The following ZNF148 variants were observed in gnomAD, a reference collection of about 807,000 sequenced individuals.
The protein encoded by ZNF148 is Beta-Enolase Repressor Factor-1.
ZNF148 carries 7 observed loss-of-function variants against 67.7 expected under a neutral mutation model. The ratio of observed to expected loss-of-function variants is 0.10; its 90% CI spans 0.06 to 0.19. ZNF148 has a LOEUF of 0.19. ZNF148 is among the 10% of genes least tolerant of loss of function. The pLI is 1.00. For synonymous variants in ZNF148, 333 were observed against 330.7 expected, an observed-to-expected ratio of 1.01 and a Z score of -0.08; for missense variants, 583 against 947.1, an observed-to-expected ratio of 0.62 and a Z score of 5.05.
At chr3:125,302,755 A>T (rs1007304213) in intron 4 of ZNF148, among the ~76,000 whole-genome samples, 3 of 152,226 alleles carry the variant, frequency 2.0e-5, no homozygotes, top group African/African-American at 7.2e-5. Flanking sequence ...AAAAGACTAC[A>T]TAAAAAGCAA....
chr3:125,351,211 A>G (rs1268943523), intron 1 of ZNF148, among the ~76,000 whole-genome samples: 3 of 152,030 alleles, frequency 2.0e-5, no homozygotes, highest in African/African-American at 7.2e-5. Context: ...AGTCTCTACA[A>G]AAATAATTTA....
intron 1 of ZNF148, among the ~76,000 whole-genome samples, chr3:125,337,474 CA>C (rs1235318276): frequency 6.6e-6 from 1 of 152,076 alleles, no homozygotes; most frequent in Admixed American, 6.5e-5. Flanking sequence ...AGTAAGCCAC[CA>C]AACTTAAGGA....
chr3:125,371,523 G>T (rs766575859), intron 1 of ZNF148, among the ~76,000 whole-genome samples: 1 of 151,592 alleles, frequency 6.6e-6, no homozygotes, highest in Non-Finnish European at 1.5e-5. Context: ...GCCAGGTGTG[G>T]TAGCGGGCAC....
intron 4 of ZNF148, among the ~76,000 whole-genome samples, chr3:125,296,284 G>A (rs1223810406): frequency 5.3e-5 from 8 of 152,048 alleles, no homozygotes; most frequent in Admixed American, 5.2e-4. Context: ...ACCACGCCCA[G>A]CTAATTATTT....
intron 3 of ZNF148, among the ~76,000 whole-genome samples, chr3:125,315,239 A>T (rs530004191): frequency 1.3e-5 from 2 of 152,298 alleles, no homozygotes; most frequent in South Asian, 2.1e-4. Context: ...TTAAGAATCA[A>T]CTGGTGAAAA....
chr3:125,327,492 G>A (rs940759575), intron 2 of ZNF148, among the ~76,000 whole-genome samples: 10 of 152,166 alleles, frequency 6.6e-5, no homozygotes, highest in Non-Finnish European at 1.3e-4. Context: ...CATAAAATAA[G>A]TCTCACTAAA....
chr3:125,232,456 A>T lies in ZNF148; in HGVS notation c.2270T>A (p.Leu757His). The T allele has an allele frequency of 6.2e-7, 1 of 1,613,672 alleles. No homozygotes were observed. Among genetic ancestry groups the T allele is most frequent in the Non-Finnish European group, 8.5e-7 (1 of 1,179,760 alleles). ...TTCAGCACTTGTCCCTGGTCCCCGAAGGTTCACCTGTCCATTGGCAGTGCT... is the reference window on the plus strand; with the variant it reads ...TTCAGCACTTGTCCCTGGTCCCCGATGGTTCACCTGTCCATTGGCAGTGCT... ...QFSTANGQVN[L>H]RGPGTSAEFS... Residue 757 changes from leucine (L) to histidine (H), a missense_variant, in exon 9 of 9, where the codon CTT becomes CAT. Around this residue, in one of 5 missense-constraint regions of ZNF148, gnomAD observed 158 missense variants for 208.4 expected, o/e 0.76. Coordinates refer to ENST00000360647, the MANE Select transcript of ZNF148 (RefSeq NM_021964.3). This position sits in a 1 kb window ranked among gnomAD's most constrained non-coding sequence, Gnocchi z 4.2.
At chr3:125,258,988 T>C (rs531199558) in intron 7 of ZNF148, among the ~76,000 whole-genome samples, 1 of 152,250 alleles carries the variant, frequency 6.6e-6, no homozygotes, top group East Asian at 1.9e-4. Flanking sequence ...TATATTACAG[T>C]TAGAAATACG....
intron 7 of ZNF148, among the ~76,000 whole-genome samples, chr3:125,255,384 T>TTA (rs1371628580): frequency 6.6e-6 from 1 of 151,834 alleles, no homozygotes; most frequent in Non-Finnish European, 1.5e-5. Context: ...GTAGCTAGGA[T>TTA]TATAGGCATG....
chr3:125,365,644 A>G (rs897564278), intron 1 of ZNF148, among the ~76,000 whole-genome samples: 2 of 152,028 alleles, frequency 1.3e-5, no homozygotes, highest in African/African-American at 2.4e-5. Context: ...TGGTGAGACC[A>G]CATCTCTACA....
intron 7 of ZNF148, among the ~76,000 whole-genome samples, chr3:125,265,579 T>C (rs1370681764): frequency 1.3e-5 from 2 of 152,214 alleles, no homozygotes; most frequent in East Asian, 3.8e-4. Flanking sequence ...AAAGTTAGAC[T>C]TTCTCAGGAC....
At chr3:125,363,811 C>T (rs1052884657) in intron 1 of ZNF148, among the ~76,000 whole-genome samples, 3 of 151,782 alleles carry the variant, frequency 2.0e-5, no homozygotes, top group Admixed American at 6.6e-5. Context: ...CACCATGCCC[C>T]GCTAATTTTT....
Position 125,228,094 on chromosome 3 carries a change from G to C in ZNF148, c.*4247C>G, listed in dbSNP as rs946945714. 6.6e-6 allele frequency: 1 copy of C among 152,544 alleles called. No individual in the cohort carries two copies. The highest frequency in any genetic ancestry group is 6.5e-5 in the Admixed American group (1 of 15,272). The allele number at this position is 152,544 out of a possible 1,614,324, so 9.4% of individuals were successfully genotyped here. A position where few individuals can be genotyped will look rare whatever the true frequency, so the allele number is the denominator to read the frequency against. On this transcript the variant is annotated 3_prime_UTR_variant, in exon 9 of 9. Transcript: ENST00000360647. ...TTGAAATGTAGTTATGAAATATGAA[G>C]AGAACTATCTATTTCACAATGGAGC...
Position 125,352,557 on chromosome 3 carries a change from G to A in ZNF148, c.-233-21319C>T, listed in dbSNP as rs139183750. The stretch of plus-strand genomic sequence containing the variant: ...ATATAAGTTATACCTCAATAACACC[G>A]TTTAAGGAAAACTATATGATGGCTG... On this transcript the variant is annotated intron_variant, in intron 1 of 8. Transcript: ENST00000360647. Among the ~76,000 whole-genome samples, 758 of 151,708 alleles carry A rather than the reference G, an allele frequency of 5.0e-3. 6 individuals are homozygous for A. Among genetic ancestry groups the A allele is most frequent in the African/African-American group, 0.013 (530 of 41,324 alleles).
rs1489316744 is a variant in ZNF148 at position 125,232,183 on chromosome 3, C to T, written c.*158G>A. On this transcript the variant is annotated 3_prime_UTR_variant, in exon 9 of 9. Coordinates refer to ENST00000360647, the MANE Select transcript of ZNF148 (RefSeq NM_021964.3). This position sits in a 1 kb window ranked among gnomAD's most constrained non-coding sequence, Gnocchi z 4.2. Reference sequence around the variant, plus strand: ...GTTCAAAGAATGCTGACTAACCAAACGAAATGCAGTTATTGGATTATCTTG... The same window carrying T: ...GTTCAAAGAATGCTGACTAACCAAATGAAATGCAGTTATTGGATTATCTTG... 4.4e-5 allele frequency: 39 copies of T among 887,600 alleles called. No homozygotes were observed. Among genetic ancestry groups the T allele is most frequent in the Admixed American group, 3.4e-4 (11 of 32,132 alleles). 55.0% of individuals were successfully genotyped at this position (887,600 alleles called of 1,614,324 possible). A position where few individuals can be genotyped will look rare whatever the true frequency, so the allele number is the denominator to read the frequency against.
chr3:125,361,084 A>G (rs1942523147), intron 1 of ZNF148, among the ~76,000 whole-genome samples: 1 of 151,856 alleles, frequency 6.6e-6, no homozygotes, highest in South Asian at 2.1e-4. Flanking sequence ...AAATCTAGCT[A>G]TTTTTCTCAA....
intron 7 of ZNF148, among the ~76,000 whole-genome samples, chr3:125,240,796 C>T (rs1936318457): frequency 6.7e-6 from 1 of 150,288 alleles, no homozygotes; most frequent in Non-Finnish European, 1.5e-5. Flanking sequence ...AACCAAAAAC[C>T]AAAACAAAAC....
At chr3:125,318,548 A>C (rs571047216) in intron 3 of ZNF148, among the ~76,000 whole-genome samples, 10 of 152,340 alleles carry the variant, frequency 6.6e-5, no homozygotes, top group African/African-American at 2.4e-4. Context: ...AGGAACCTCT[A>C]TCCAACTGGA....
At chr3:125,338,659 CA>C (rs757727396) in intron 1 of ZNF148, among the ~76,000 whole-genome samples, 67 of 51,184 alleles carry the variant, frequency 1.3e-3, no homozygotes, top group East Asian at 9.4e-3. Flanking sequence ...GACCCTGTCT[CA>C]AAAAAAAAAA....
Sources: gnomAD v4.1 joint callset for allele counts (sites outside exome capture counted in the v4.1 genomes callset) on GRCh38, gnomAD v4.1.1 for gene constraint, gnomAD v4.1.1 regional missense constraint, Gnocchi (gnomAD v3.1) non-coding constraint, MANE v1.5 for transcripts, NCBI Gene and HGNC (gene_info 2026-07-23, HGNC 2026-07-21) for gene names.